Variants in KRT28 observed in about 807,000 individuals in gnomAD.
KRT28 encodes the protein keratin 28.
Under a neutral mutation model 48.1 loss-of-function variants are expected in KRT28, and 45 were observed. That is an observed-to-expected ratio of 0.94 (90% CI 0.74 to 1.20). The LOEUF is 1.20. KRT28 is among the 50% of genes most tolerant of loss of function. KRT28 has a pLI of 0.00. For synonymous variants in KRT28, 228 were observed against 227.4 expected (o/e 1.00, Z -0.03); for missense variants, 571 against 574.1 (o/e 0.99, Z 0.06).
At position 40,793,894 on chromosome 17, in the gene KRT28, G is replaced by A. The variant is rs765839688; in HGVS notation, c.1131C>T (p.Leu377=). The part of the protein sequence containing the change: ...EGQKLEYEHL[L]DVKVHLEKEI... ...CTTTTTCCAAGTGGACCTTGACATC[G>A]AGGAGATGCTCATACTCCAGCTTCT... Residue 377 remains leucine (L), a synonymous_variant, in exon 6 of 8, where the codon CTC becomes CTT. Transcript: ENST00000306658. 6.2e-6 allele frequency: 10 copies of A among 1,613,872 alleles called. No homozygotes were observed. The highest frequency in any genetic ancestry group is 1.1e-5 in the South Asian group (1 of 91,058).
At chr17:40,793,285 A>ATATTTC in intron 6 of KRT28, 75 bp from the exon 7 acceptor site, 1 of 971,182 alleles carries the variant, frequency 1.0e-6, no homozygotes, top group Non-Finnish European at 1.5e-6. Context: ...GACTCAATGA[A>ATATTTC]TGAAATTTGT....
chr17:40,796,676 A>G (rs971370388), intron 5 of KRT28, among the ~76,000 whole-genome samples: 12 of 152,108 alleles, frequency 7.9e-5, no homozygotes, highest in African/African-American at 2.9e-4. Context: ...TGAAATGTCT[A>G]TTTTCATGAA....
chr17:40,792,982 C>T lies in KRT28; in HGVS notation c.1252+173G>A, dbSNP rs181189276. ...GGGCATGGTGGTGGGTGCCTGTAATCCCAGCTACTCAAGAGGCTGGGGCAG... is the reference window on the plus strand; with the variant it reads ...GGGCATGGTGGTGGGTGCCTGTAATTCCAGCTACTCAAGAGGCTGGGGCAG... On this transcript the variant is annotated intron_variant, in intron 7 of 7. Transcript: ENST00000306658. Among the ~76,000 whole-genome samples the T allele has an allele frequency of 6.6e-4, 101 of 152,156 alleles. 1 individual carries two copies. The East Asian group carries it at 6.8e-3, about 10-fold the overall frequency.
At chr17:40,799,073 A>G in intron 1 of KRT28, 74 bp from the exon 2 acceptor site, 1 of 931,976 alleles carries the variant, frequency 1.1e-6, no homozygotes, top group Non-Finnish European at 1.6e-6. Flanking sequence ...GGAAATGAAA[A>G]AGGTTACTCA....
Position 40,797,287 on chromosome 17 carries a change from G to T in KRT28, c.691-6C>A. ...CACTGCAGAGCCTTCATCTCCTGGA[G>T]AGAAGCAAGAGTGTGGCTTTAGGGG... On this transcript the variant is annotated splice_region_variant and splice_polypyrimidine_tract_variant and intron_variant, in intron 3 of 7. Transcript: ENST00000306658. The T allele has an allele frequency of 6.2e-7, 1 of 1,612,044 alleles. No homozygotes were observed.
Position 40,798,747 on chromosome 17 carries a change from G to T in KRT28, c.533+170C>A, listed in dbSNP as rs182602147. 4.9e-4 allele frequency among the ~76,000 whole-genome samples: 74 copies of T among 152,274 alleles called. No homozygotes were observed. In the South Asian group the frequency reaches 7.5e-3, roughly 15 times the overall value. On this transcript the variant is annotated intron_variant, in intron 2 of 7. Transcript: ENST00000306658. ...GAAATATATTGATATTTTGTCCCAG[G>T]AATATAATAACTATGTATAAGTTGA...
chr17:40,798,732 G>A (rs764242757), intron 2 of KRT28, among the ~76,000 whole-genome samples, 185 bp downstream of exon 2: 9 of 152,124 alleles, frequency 5.9e-5, no homozygotes, highest in Non-Finnish European at 1.3e-4. Context: ...GAAATATATT[G>A]ATATTTTGTC....
At chr17:40,792,962 T>G (rs1310292680) in intron 7 of KRT28, among the ~76,000 whole-genome samples, 193 bp downstream of exon 7, 3 of 152,018 alleles carry the variant, frequency 2.0e-5, no homozygotes, top group Non-Finnish European at 4.4e-5. Context: ...TAGCTGGGCA[T>G]GGTGGTGGGT....
At position 40,799,541 on chromosome 17, in the gene KRT28, AT is replaced by A; in HGVS notation, c.352del (p.Ile118SerfsTer25). ...EEANAELERKIKGWYEKYGPG... is the reference protein window; with the variant it reads ...EEANAELERKXKGWYEKYGPG... ...TCCGTATTTTTCATACCAACCCTTG[AT>A]TTTTCTCTCTAATTCAGCATTTGCC... On this transcript the variant is annotated frameshift_variant, in exon 1 of 8. Coordinates refer to ENST00000306658, the MANE Select transcript of KRT28 (RefSeq NM_181535.3). LOFTEE classifies it high-confidence loss of function. The A allele has an allele frequency of 6.2e-7, 1 of 1,614,104 alleles. No individual in the cohort carries two copies. Among genetic ancestry groups the A allele is most frequent in the Non-Finnish European group, 8.5e-7 (1 of 1,180,020 alleles).
intron 5 of KRT28, 90 bp downstream of exon 5, chr17:40,796,826 A>G (rs1177559194): frequency 6.8e-7 from 1 of 1,474,692 alleles, no homozygotes; most frequent in Admixed American, 2.2e-5. Flanking sequence ...GCAAAGGTAT[A>G]ATAGGAAAAA....
Position 40,799,860 on chromosome 17 carries a change from C to G in KRT28, c.34G>C (p.Val12Leu). 6.2e-7 allele frequency: 1 copy of G among 1,613,526 alleles called. No homozygotes were observed. Among genetic ancestry groups the G allele is most frequent in the Non-Finnish European group, 8.5e-7 (1 of 1,180,002 alleles). Residue 12 changes from valine (V) to leucine (L), a missense_variant, in exon 1 of 8, where the codon GTT becomes CTT. Physicochemically the swap from Val to Leu is conservative, Grantham distance 32. Coordinates refer to ENST00000306658, the MANE Select transcript of KRT28 (RefSeq NM_181535.3). The part of the protein sequence containing the change: ...SLQFSNGSRH[V>L]CLRSGAGSVR... Reference sequence around the variant, plus strand: ...GATCCAGCTCCAGACCTTAAGCAAACATGCCTGGATCCATTAGAAAATTGG... The same window carrying G: ...GATCCAGCTCCAGACCTTAAGCAAAGATGCCTGGATCCATTAGAAAATTGG...
chr17:40,793,926 C>A lies in KRT28; in HGVS notation c.1099G>T (p.Glu367Ter). ...TGCTCATACTCCAGCTTCTGGCCCT[C>A]GGTCTCGGTTCTGACCTGGTGCAGC... Reference protein sequence around the residue: ...EQLHQVRTETEGQKLEYEHLL... With the variant: ...EQLHQVRTET Residue 367 changes from glutamate to a stop codon, truncating the protein, a stop_gained, in exon 6 of 8, where the codon GAG becomes TAG. Coordinates refer to ENST00000306658, the MANE Select transcript of KRT28 (RefSeq NM_181535.3). LOFTEE classifies it high-confidence loss of function. The A allele has an allele frequency of 6.2e-7, 1 of 1,613,968 alleles. No homozygotes were observed. Among genetic ancestry groups the A allele is most frequent in the Non-Finnish European group, 8.5e-7 (1 of 1,179,862 alleles).
In KRT28 at chr17:40,798,226, T is replaced by C. The variant is rs777387482; in HGVS notation, c.690+9A>G. The C allele has an allele frequency of 1.3e-6, 2 of 1,595,426 alleles. No individual in the cohort carries two copies. Among genetic ancestry groups the C allele is most frequent in the South Asian group, 1.1e-5 (1 of 90,532 alleles). ...GTTGTGATTGGACTACAGGTAAAGCTTCTCCTACCTCTTCGTGGTTCTTTT... is the reference window on the plus strand; with the variant it reads ...GTTGTGATTGGACTACAGGTAAAGCCTCTCCTACCTCTTCGTGGTTCTTTT... On this transcript the variant is annotated intron_variant, in intron 3 of 7. Coordinates refer to ENST00000306658, the MANE Select transcript of KRT28 (RefSeq NM_181535.3).
At position 40,793,991 on chromosome 17, in the gene KRT28, A is replaced by T. The variant is rs746208773; in HGVS notation, c.1034T>A (p.Leu345Gln). 2 of 1,613,940 alleles carry T rather than the reference A, an allele frequency of 1.2e-6. No homozygotes were observed. The highest frequency in any genetic ancestry group is 1.7e-6 in the Non-Finnish European group (2 of 1,179,858). The change falls in exon 6 of 8, where the codon CTG becomes CAG. Residue 345 changes from leucine (L) to glutamine (Q), a missense_variant. Coordinates refer to ENST00000306658, the MANE Select transcript of KRT28 (RefSeq NM_181535.3). Reference protein sequence around the residue: ...TETESNYCTQLAQIQAQIGAL... With the variant: ...TETESNYCTQQAQIQAQIGAL... ...CCCGATCTGAGCCTGGATCTGCGCC[A>T]GCTGCGTACAGTAGTTGCTCTCGGT...
At chr17:40,797,594 C>T (rs1022555805) in intron 3 of KRT28, among the ~76,000 whole-genome samples, 1 of 151,982 alleles carries the variant, frequency 6.6e-6, no homozygotes. Context: ...ACTAAAAATA[C>T]AAAAATTAGC....
In KRT28 at chr17:40,798,935, G is replaced by T; in HGVS notation, c.515C>A (p.Ala172Asp). The T allele has an allele frequency of 1.2e-6, 2 of 1,606,094 alleles. No individual in the cohort carries two copies. Among genetic ancestry groups the T allele is most frequent in the African/African-American group, 1.3e-5 (1 of 74,902 alleles). Residue 172 changes from alanine to aspartate, a missense_variant, in exon 2 of 8, where the codon GCT (alanine) becomes GAT (aspartate). Ala to Asp is a moderately radical substitution (Grantham distance 126). Transcript: ENST00000306658. ...CACTTACTTTAGCCTGAAATCATCAGCAGCCAGTCTGGCATTATCAATCTG... is the reference window on the plus strand; with the variant it reads ...CACTTACTTTAGCCTGAAATCATCATCAGCCAGTCTGGCATTATCAATCTG... ...ILQIDNARLA[A>D]DDFRLKYENE...
chr17:40,793,071 G>C, intron 7 of KRT28, 84 bp downstream of exon 7: 1 of 870,318 alleles, frequency 1.1e-6, no homozygotes, highest in Non-Finnish European at 1.8e-6. Context: ...TTGCATTCCA[G>C]CCTGGGCAAC....
chr17:40,795,734 C>T (rs2143071951), intron 5 of KRT28, among the ~76,000 whole-genome samples: 1 of 152,284 alleles, frequency 6.6e-6, no homozygotes. Flanking sequence ...ATCCTTGTTT[C>T]TATGTGAAAA....
At chr17:40,793,067 TCCAGCCTGGGCAACAGAGC>T in intron 7 of KRT28, 69 bp downstream of exon 7, 1 of 838,082 alleles carries the variant, frequency 1.2e-6, no homozygotes, top group South Asian at 1.7e-5. Context: ...ACCATTGCAT[TCCAGCCTGGGCAACAGAGC>T]GAGACTCTGT....
Sources: gnomAD v4.1 joint callset for allele counts (sites outside exome capture counted in the v4.1 genomes callset) on GRCh38, gnomAD v4.1.1 for gene constraint, MANE v1.5 for transcripts, NCBI Gene and HGNC (gene_info 2026-07-23, HGNC 2026-07-21) for gene names.